FRMD6: variants seen among roughly 807,000 people sequenced by gnomAD.
FRMD6 encodes FERM domain-containing protein 6.
FRMD6 carries 37 observed loss-of-function variants against 73.2 expected under a neutral mutation model. The observed-to-expected ratio is 0.51, with a 90% CI of 0.39 to 0.66. FRMD6 has a LOEUF of 0.66. FRMD6 is among the 30% of genes least tolerant of loss of function. The pLI is 0.00. For synonymous variants in FRMD6, 273 were observed against 282.2 expected (o/e 0.97, Z 0.33); for missense variants, 714 against 780.5 (o/e 0.91, Z 1.02).
upstream of FRMD6, among the ~76,000 whole-genome samples, chr14:51,647,598 A>C (rs1265313322): frequency 1.3e-5 from 2 of 152,178 alleles, no homozygotes; most frequent in African/African-American, 4.8e-5. Flanking sequence ...TGTTTAAAGT[A>C]CTTTTTGTTT....
At chr14:51,656,776 A>G (rs1892867154) in intron 1 of FRMD6, among the ~76,000 whole-genome samples, 1 of 152,166 alleles carries the variant, frequency 6.6e-6, no homozygotes, top group African/African-American at 2.4e-5. Flanking sequence ...AGTTAAATTG[A>G]TATATCAAGA....
chr14:51,502,657 G>A (rs1596503030), intron 1 of FRMD6, among the ~76,000 whole-genome samples: 1 of 152,078 alleles, frequency 6.6e-6, no homozygotes, highest in African/African-American at 2.4e-5. Flanking sequence ...TCTTCTTCTT[G>A]CTTATGATTG....
the FRMD6 span, among the ~76,000 whole-genome samples, chr14:51,398,122 A>G: frequency 6.6e-6 from 1 of 152,220 alleles, no homozygotes; most frequent in Non-Finnish European, 1.5e-5. Context: ...TTGGATATAC[A>G]AAAAAATTAT....
chr14:51,601,274 A>T (rs907326451), intron 2 of FRMD6, among the ~76,000 whole-genome samples: 2 of 152,152 alleles, frequency 1.3e-5, no homozygotes, highest in Non-Finnish European at 1.5e-5. Context: ...AGCTTGTTTT[A>T]GTTTCCCGAG....
At chr14:51,515,248 G>T (rs1447618101) in intron 1 of FRMD6, among the ~76,000 whole-genome samples, 3 of 152,180 alleles carry the variant, frequency 2.0e-5, no homozygotes, top group African/African-American at 7.2e-5. Context: ...TCGTAGTTCT[G>T]CCTTCATCCC....
chr14:51,689,218 G>A (rs1300781444), intron 1 of FRMD6, among the ~76,000 whole-genome samples: 2 of 152,248 alleles, frequency 1.3e-5, no homozygotes, highest in African/African-American at 2.4e-5. Context: ...AGCCATGTTG[G>A]TGAAGTGAAG....
chr14:51,604,568 T>C (rs896769722), intron 2 of FRMD6, among the ~76,000 whole-genome samples: 1 of 152,100 alleles, frequency 6.6e-6, no homozygotes, highest in Non-Finnish European at 1.5e-5. Context: ...CTAAAAAAAC[T>C]AATGATAAGT....
At chr14:51,490,664 C>G (rs1462544670) in intron 1 of FRMD6, among the ~76,000 whole-genome samples, 2 of 146,398 alleles carry the variant, frequency 1.4e-5, no homozygotes, top group African/African-American at 5.0e-5. Context: ...TCTTTAGTAA[C>G]CTTTACCTAC....
At chr14:51,462,965 A>G in the FRMD6 span, among the ~76,000 whole-genome samples, 1 of 152,194 alleles carries the variant, frequency 6.6e-6, no homozygotes, top group Non-Finnish European at 1.5e-5. Flanking sequence ...TGTCTGTACA[A>G]TGTGGTATGA....
At chr14:51,695,616 G>A (rs1268183734) in intron 2 of FRMD6, among the ~76,000 whole-genome samples, 1 of 152,164 alleles carries the variant, frequency 6.6e-6, no homozygotes, top group Non-Finnish European at 1.5e-5. Flanking sequence ...GAATGAAGGT[G>A]AGCAGGAGCC....
intron 10 of FRMD6, among the ~76,000 whole-genome samples, chr14:51,718,841 GGCGCATCTTTTCTTTCTCCTCCT>G (rs1320265767): frequency 1.4e-4 from 21 of 152,110 alleles, no homozygotes; most frequent in African/African-American, 4.6e-4. Context: ...CATCCTAGAA[GGCGCATCTTTTCTTTCTCCTCCT>G]GCTCATTTTC....
At chr14:51,414,576 G>A in the FRMD6 span, among the ~76,000 whole-genome samples, 5 of 152,336 alleles carry the variant, frequency 3.3e-5, no homozygotes, top group South Asian at 1.0e-3. Context: ...ATAGTTTGAA[G>A]TCAGGTAGTG....
intron 1 of FRMD6, among the ~76,000 whole-genome samples, chr14:51,684,068 CAG>C (rs1195046923): frequency 1.3e-5 from 2 of 151,676 alleles, no homozygotes; most frequent in African/African-American, 2.4e-5. Context: ...GGCCATGAAA[CAG>C]AGTGTTCAGT....
At chr14:51,464,347 A>T in the FRMD6 span, among the ~76,000 whole-genome samples, 3 of 152,124 alleles carry the variant, frequency 2.0e-5, no homozygotes, top group African/African-American at 7.2e-5. Flanking sequence ...TTACCTATGT[A>T]AGAAACCTGC....
chr14:51,681,884 A>G (rs771722912), intron 1 of FRMD6, among the ~76,000 whole-genome samples: 2 of 152,180 alleles, frequency 1.3e-5, no homozygotes, highest in Admixed American at 6.5e-5. Context: ...CATATCAACC[A>G]TGCTTTCCAG....
At chr14:51,524,639 C>G (rs760550882) in intron 1 of FRMD6, among the ~76,000 whole-genome samples, 6 of 152,070 alleles carry the variant, frequency 3.9e-5, no homozygotes, top group Non-Finnish European at 8.8e-5. Context: ...GCCCCCTAAA[C>G]AAGAATAGGT....
chr14:51,530,739 A>G (rs1263500663), intron 1 of FRMD6, among the ~76,000 whole-genome samples: 1 of 151,996 alleles, frequency 6.6e-6, no homozygotes, highest in Non-Finnish European at 1.5e-5. Context: ...CACCTGCTTC[A>G]GCCTCCCAAC....
upstream of FRMD6, among the ~76,000 whole-genome samples, chr14:51,647,129 C>A (rs1207485922): frequency 6.6e-6 from 1 of 151,764 alleles, no homozygotes; most frequent in Admixed American, 6.6e-5. Context: ...AAACTTTGAC[C>A]CTGGATAATC....
chr14:51,550,238 AT>A, intron 1 of FRMD6, among the ~76,000 whole-genome samples: 1 of 151,188 alleles, frequency 6.6e-6, no homozygotes, highest in South Asian at 2.1e-4. Flanking sequence ...ATGTCTTTTT[AT>A]TTTTTTAATT....
Sources: allele counts gnomAD v4.1 joint callset (sites outside exome capture counted in the v4.1 genomes callset), GRCh38; gene constraint gnomAD v4.1.1; transcripts MANE v1.5; gene names NCBI Gene and HGNC (gene_info 2026-07-23, HGNC 2026-07-21).